KCND1: variants seen among roughly 807,000 people sequenced by gnomAD.
KCND1 encodes the protein A-type voltage-gated potassium channel KCND1.
A neutral mutation model predicts 31.8 loss-of-function variants in KCND1; 11 were observed. The ratio of observed to expected loss-of-function variants is 0.35; its 90% CI spans 0.22 to 0.57. KCND1 has a LOEUF of 0.57. Ranked by LOEUF, KCND1 falls within the 20% of genes least tolerant of loss-of-function variation. KCND1 has a pLI of 0.85. For synonymous variants in KCND1, 234 were observed against 248.1 expected (o/e 0.94, Z 0.53); for missense variants, 471 against 596.8 (o/e 0.79, Z 2.20).
intron 1 of KCND1, 75 bp downstream of exon 1, chrX:48,969,076 A>G: frequency 3.0e-6 from 3 of 1,011,185 alleles, no homozygotes; most frequent in Non-Finnish European, 4.0e-6. Flanking sequence ...GAAAGAGATC[A>G]TTCCTTTAAA....
In KCND1 at chrX:48,969,642, G is replaced by A; in HGVS notation, c.630C>T (p.Cys210=). ...TTGAGGACCTGCGTGCAGAGCCGCG[G>A]CATGGGATGGTCTCCACCACATTGG... ...VIANVVETIP[C]RGSARRSSRE... Residue 210 remains cysteine, a synonymous_variant, in exon 1 of 6, where the codon TGC becomes TGT. Transcript: ENST00000218176. The A allele has an allele frequency of 8.3e-7, 1 of 1,211,094 alleles. No individual in the cohort carries two copies. Among genetic ancestry groups the A allele is most frequent in the Non-Finnish European group, 1.1e-6 (1 of 895,322 alleles).
intron 5 of KCND1, 23 bp from the exon 6 acceptor site, chrX:48,962,829 T>C (rs1602454601): frequency 1.7e-6 from 2 of 1,167,215 alleles, no homozygotes; most frequent in Middle Eastern, 5.1e-4. Context: ...GTGGAGAAGA[T>C]GGAAGGCTCT....
Position 48,969,692 on chromosome X carries a change from A to T in KCND1, c.580T>A (p.Phe194Ile). ...GCGATGACCGACACGGCGATGAAGA[A>T]GCCGGTCACATAGTAGAAAACGAGG... ...AALVFYYVTG[F>I]FIAVSVIANV... is the part of the protein sequence containing the mutation. Residue 194 changes from phenylalanine to isoleucine, a missense_variant, in exon 1 of 6, where the codon TTC becomes ATC. Phe to Ile is a conservative substitution (Grantham distance 21). Around this residue, in one of 3 missense-constraint regions of KCND1, gnomAD observed 212 missense variants for 257.9 expected, o/e 0.82. Coordinates refer to ENST00000218176, the MANE Select transcript of KCND1 (RefSeq NM_004979.6). The T allele has an allele frequency of 8.3e-7, 1 of 1,209,561 alleles. No individual in the cohort carries two copies. Among genetic ancestry groups the T allele is most frequent in the Non-Finnish European group, 1.1e-6 (1 of 894,722 alleles).
Position 48,962,300 on chromosome X carries a change from A to G in KCND1, c.*281T>C. 1 of 298,709 alleles carries G rather than the reference A, an allele frequency of 3.3e-6. No individual in the cohort carries two copies. The highest frequency in any genetic ancestry group is 5.6e-5 in the Admixed American group (1 of 17,939). 24.6% of individuals were successfully genotyped at this position (298,709 alleles called of 1,213,427 possible). A position where few individuals can be genotyped will look rare whatever the true frequency, so the allele number is the denominator to read the frequency against. Reference sequence around the variant, plus strand: ...GAGCATGCAGGAGTCCAGCTGGGAGAGTGGGGCCAGTCCCAGTGTGCTAGG... The same window carrying G: ...GAGCATGCAGGAGTCCAGCTGGGAGGGTGGGGCCAGTCCCAGTGTGCTAGG... On this transcript the variant is annotated 3_prime_UTR_variant, in exon 6 of 6. Transcript: ENST00000218176.
chrX:48,966,486 T>C, intron 4 of KCND1, 92 bp downstream of exon 4: 1 of 1,024,246 alleles, frequency 9.8e-7, no homozygotes, highest in Non-Finnish European at 1.3e-6. Flanking sequence ...ATTTCCACAA[T>C]TTGTAGTGAG....
At position 48,969,993 on chromosome X, in the gene KCND1, A is replaced by G. The variant is rs782003974; in HGVS notation, c.279T>C (p.His93=). ...FFDRDPDMFR[H]VLNFYRTGRL... ...GCCCCGTTCGGTAGAAGTTCAGCAC[A>G]TGGCGGAACATGTCAGGGTCGCGAT... The change falls in exon 1 of 6, where the codon CAT becomes CAC. Residue 93 remains histidine, a synonymous_variant. Coordinates refer to ENST00000218176, the MANE Select transcript of KCND1 (RefSeq NM_004979.6). 11 of 1,211,564 alleles carry G rather than the reference A, an allele frequency of 9.1e-6. No individual in the cohort carries two copies. The highest frequency in any genetic ancestry group is 1.8e-5 in the South Asian group (1 of 56,862).
Position 48,969,819 on chromosome X carries a change from C to G in KCND1, c.453G>C (p.Glu151Asp). Residue 151 changes from glutamate to aspartate, a missense_variant, in exon 1 of 6, where the codon GAG becomes GAC. Physicochemically the swap from Glu to Asp is conservative, Grantham distance 45. This residue lies in a region of KCND1 where 212 missense variants were observed against 257.9 expected (regional missense o/e 0.82). Coordinates refer to ENST00000218176, the MANE Select transcript of KCND1 (RefSeq NM_004979.6). ...KENAERLAED[E>D]EAEQAGDGPA... ...GGCCGTCCCCGGCCTGCTCTGCCTCCTCATCCTCTGCCAGGCGCTCGGCAT... is the reference window on the plus strand; with the variant it reads ...GGCCGTCCCCGGCCTGCTCTGCCTCGTCATCCTCTGCCAGGCGCTCGGCAT... 3 of 1,209,721 alleles carry G rather than the reference C, an allele frequency of 2.5e-6. No homozygotes were observed. The highest frequency in any genetic ancestry group is 3.4e-6 in the Non-Finnish European group (3 of 894,546).
Position 48,969,596 on chromosome X carries a change from G to T in KCND1, c.676C>A (p.Arg226Ser), listed in dbSNP as rs375813023. 3 of 1,209,270 alleles carry T rather than the reference G, an allele frequency of 2.5e-6. No individual in the cohort carries two copies. Among genetic ancestry groups the T allele is most frequent in the African/African-American group, 1.7e-5 (1 of 57,536 alleles). The change falls in exon 1 of 6, where the codon CGC (arginine) becomes AGC (serine). Residue 226 changes from arginine to serine, a missense_variant. Transcript: ENST00000218176. ...RSSREQPCGE[R>S]FPQAFFCMDT... The stretch of plus-strand genomic sequence containing the variant: ...ATGCAGAAAAAGGCCTGTGGGAAGC[G>T]TTCGCCACAGGGCTGCTCCCTTGAG...
rs1557058728 is a variant in KCND1 at position 48,970,136 on chromosome X, C to T, written c.136G>A (p.Val46Met). ...SRGDEVLVVN[V>M]SGRRFETWKN... The stretch of plus-strand genomic sequence containing the variant: ...CAAGTCTCAAAGCGCCGTCCGCTCA[C>T]GTTCACCACCAGAACCTCATCTCCT... Residue 46 changes from valine to methionine, a missense_variant, in exon 1 of 6, where the codon GTG becomes ATG. By Grantham distance (21) the Val-to-Met change is conservative. This residue lies in a region of KCND1 where 212 missense variants were observed against 257.9 expected (regional missense o/e 0.82). Transcript: ENST00000218176. The T allele has an allele frequency of 8.3e-7, 1 of 1,211,374 alleles. No individual in the cohort carries two copies. The highest frequency in any genetic ancestry group is 1.1e-6 in the Non-Finnish European group (1 of 895,327).
intron 5 of KCND1, among the ~76,000 whole-genome samples, chrX:48,964,751 C>T (rs868955605): frequency 5.9e-5 from 6 of 101,105 alleles, no homozygotes; most frequent in Non-Finnish European, 1.2e-4. Flanking sequence ...CAGCCAGGCG[C>T]GGTGGCTCAC....
chrX:48,963,263 C>T (rs782678802), intron 5 of KCND1, among the ~76,000 whole-genome samples: 6 of 110,026 alleles, frequency 5.5e-5, no homozygotes, highest in African/African-American at 1.7e-4. Flanking sequence ...CTGGCTAACG[C>T]GGTAAAGCCC....
chrX:48,969,541 C>T lies in KCND1; in HGVS notation c.731G>A (p.Gly244Asp). The change falls in exon 1 of 6, where the codon GGT becomes GAT. Residue 244 changes from glycine to aspartate, a missense_variant. Gly to Asp is a moderately conservative substitution (Grantham distance 94). Transcript: ENST00000218176. ...GGCAAACAGCCGCAGGAGGTATTCA[C>T]CTGTGAATATGAGTACACAGGCTGT... ...MDTACVLIFT[G>D]EYLLRLFAAP... 17 of 1,211,068 alleles carry T rather than the reference C, an allele frequency of 1.4e-5. No homozygotes were observed. The highest frequency in any genetic ancestry group is 1.9e-5 in the Non-Finnish European group (17 of 895,157).
In KCND1 at chrX:48,969,927, G is replaced by A. The variant is rs782486896; in HGVS notation, c.345C>T (p.Asp115=). Residue 115 remains aspartate, a synonymous_variant, in exon 1 of 6, where the codon GAC becomes GAT. Coordinates refer to ENST00000218176, the MANE Select transcript of KCND1 (RefSeq NM_004979.6). ...CPRQECIQAF[D]EELAFYGLVP... ...CCAGGCCGTAGAAAGCCAGCTCTTC[G>A]TCGAAGGCCTGGATGCACTCCTGCC... 2.1e-5 allele frequency: 26 copies of A among 1,210,985 alleles called. No individual in the cohort carries two copies. The highest frequency in any genetic ancestry group is 3.5e-5 in the South Asian group (2 of 56,810).
chrX:48,965,614 G>A (rs2147718274), intron 5 of KCND1, among the ~76,000 whole-genome samples: 1 of 111,570 alleles, frequency 9.0e-6, no homozygotes, highest in East Asian at 2.8e-4. Flanking sequence ...GGTGGCTCAT[G>A]TCTGTAATTC....
At chrX:48,963,151 A>ATTAATACTT in intron 5 of KCND1, among the ~76,000 whole-genome samples, 1 of 97,359 alleles carries the variant, frequency 1.0e-5, no homozygotes, top group South Asian at 4.7e-4. Flanking sequence ...AAAAAAAAAA[A>ATTAATACTT]GAAAAAAAGT....
rs879977769 is a variant in KCND1, at chrX:48,962,468, T to TG, written c.*112dup. 1.3e-3 allele frequency: 631 copies of TG among 481,984 alleles called. 1 individual carries two copies. The highest frequency in any genetic ancestry group is 3.6e-3 in the Middle Eastern group (6 of 1,670). The allele number at this position is 481,984 out of a possible 1,213,427, so 39.7% of individuals were successfully genotyped here. On this transcript the variant is annotated 3_prime_UTR_variant, in exon 6 of 6. Coordinates refer to ENST00000218176, the MANE Select transcript of KCND1 (RefSeq NM_004979.6). ...TGAAACTCCATTGCATAGTTCTCAG[T>TG]GGGGGGGGCAGAAGGGGTGCCCAAG...
chrX:48,968,779 C>T (rs781783396), intron 1 of KCND1, among the ~76,000 whole-genome samples: 3 of 112,329 alleles, frequency 2.7e-5, no homozygotes, highest in Admixed American at 9.4e-5. Context: ...AGAGGCCAGG[C>T]GCGGTGGCTC....
intron 5 of KCND1, among the ~76,000 whole-genome samples, chrX:48,964,543 CATAAAAAA>C (rs2064340297): frequency 9.2e-6 from 1 of 108,186 alleles, no homozygotes; most frequent in African/African-American, 3.4e-5. Context: ...TAAAAATAAA[CATAAAAAA>C]ATAAAAATAT....
In KCND1 at chrX:48,966,990, C is replaced by T. The variant is rs782228007; in HGVS notation, c.1238G>A (p.Arg413His). ...AGCCCGCTGGTTCTGGTGGTAGATG[C>T]GGCTAAAGTTGGACACAATGACTGG... Reference protein sequence around the residue: ...PVPVIVSNFSRIYHQNQRADK... With the variant: ...PVPVIVSNFSHIYHQNQRADK... The change falls in exon 2 of 6, where the codon CGC becomes CAC. Residue 413 changes from arginine to histidine, a missense_variant. Coordinates refer to ENST00000218176, the MANE Select transcript of KCND1 (RefSeq NM_004979.6). 2 of 1,210,183 alleles carry T rather than the reference C, an allele frequency of 1.7e-6. No individual in the cohort carries two copies. The highest frequency in any genetic ancestry group is 1.8e-5 in the South Asian group (1 of 56,887).
Sources: gnomAD v4.1 joint callset for allele counts (sites outside exome capture counted in the v4.1 genomes callset) on GRCh38, gnomAD v4.1.1 for gene constraint, gnomAD v4.1.1 regional missense constraint, MANE v1.5 for transcripts, NCBI Gene and HGNC (gene_info 2026-07-23, HGNC 2026-07-21) for gene names.